Variants in CTNND2 observed in about 807,000 individuals in gnomAD.
The protein encoded by CTNND2 is catenin delta 2, also known as catenin delta-2.
Under a neutral mutation model 144.4 loss-of-function variants are expected in CTNND2, and 22 were observed. The observed-to-expected ratio is 0.15, with a 90% CI of 0.11 to 0.22. CTNND2 has a LOEUF of 0.22. CTNND2 is among the 10% of genes least tolerant of loss of function. The pLI is 1.00. For synonymous variants in CTNND2, 751 were observed against 695.6 expected (o/e 1.08, Z -1.25); for missense variants, 1,353 against 1,618.8 (o/e 0.84, Z 2.82).
chr5:11,390,023 C>T (rs61749829), intron 6 of CTNND2, among the ~76,000 whole-genome samples: 295 of 152,314 alleles, frequency 1.9e-3, no homozygotes, highest in African/African-American at 6.9e-3. Context: ...AATCGCCCCC[C>T]GCCAAAATCT....
chr5:11,562,293 A>T (rs573433445), intron 3 of CTNND2, among the ~76,000 whole-genome samples: 84 of 152,042 alleles, frequency 5.5e-4, no homozygotes, highest in East Asian at 3.5e-3. Context: ...CTCTTTTTTT[A>T]AAAAAAAGTT....
rs372018056 is a variant in CTNND2, at chr5:11,082,736, C to T, written c.2748G>A (p.Leu916=). 1.2e-6 allele frequency: 2 copies of T among 1,614,068 alleles called. No homozygotes were observed. The highest frequency in any genetic ancestry group is 1.7e-5 in the Admixed American group (1 of 60,012). The part of the protein sequence containing the change: ...DRVVCAVATA[L]RNMALDVRNK... ...TTCTGACGTCCAAGGCCATGTTCCG[C>T]AGCGCAGTGGCCACCGCGCACACCA... The change falls in exon 16 of 22, where the codon CTG becomes CTA. Residue 916 remains leucine, a synonymous_variant. Coordinates refer to ENST00000304623, the MANE Select transcript of CTNND2 (RefSeq NM_001332.4).
chr5:11,031,706 C>G (rs1229223127), intron 16 of CTNND2, among the ~76,000 whole-genome samples: 1 of 152,138 alleles, frequency 6.6e-6, no homozygotes, highest in Admixed American at 6.5e-5. Context: ...CGGCTGCCAG[C>G]ATGGCTAGAA....
intron 20 of CTNND2, among the ~76,000 whole-genome samples, chr5:10,987,070 T>G (rs201251738): frequency 2.6e-5 from 4 of 151,906 alleles, no homozygotes; most frequent in Non-Finnish European, 5.9e-5. Flanking sequence ...CTCTTCCTCA[T>G]AGCCTATTTT....
chr5:11,660,453 C>T (rs1292776225), intron 2 of CTNND2, among the ~76,000 whole-genome samples: 4 of 151,900 alleles, frequency 2.6e-5, no homozygotes, highest in Admixed American at 1.3e-4. Context: ...TGGTAAGATG[C>T]CTAATGTTGA....
In CTNND2 at chr5:11,879,352, T is replaced by TATATATATATATATACACATAC. The variant is rs1553988803; in HGVS notation, c.37+24464_37+24465insGTATGTGTATATATATATATAT. ...AAAATTAAATGTGTGTATATATATATATATACATATACACACACACACAAA... is the reference window on the plus strand; with the variant it reads ...AAAATTAAATGTGTGTATATATATATATATATATATATATACACATACATATACATATACACACACACACAAA... On this transcript the variant is annotated intron_variant, in intron 1 of 21. Coordinates refer to ENST00000304623, the MANE Select transcript of CTNND2 (RefSeq NM_001332.4). 8.0e-5 allele frequency among the ~76,000 whole-genome samples: 11 copies of TATATATATATATATACACATAC among 137,254 alleles called. 2 individuals are homozygous for TATATATATATATATACACATAC. The highest frequency in any genetic ancestry group is 2.4e-4 in the African/African-American group (9 of 37,148). The allele number at this position is 137,254 out of a possible 152,430, so 90.0% of individuals were successfully genotyped here.
chr5:11,554,846 T>C (rs902459867), intron 3 of CTNND2, among the ~76,000 whole-genome samples: 4 of 151,718 alleles, frequency 2.6e-5, no homozygotes, highest in African/African-American at 9.7e-5. Flanking sequence ...AATATCAAAA[T>C]GTAATATTAT....
intron 13 of CTNND2, among the ~76,000 whole-genome samples, chr5:11,116,254 G>A (rs918657075): frequency 3.3e-5 from 5 of 152,208 alleles, no homozygotes; most frequent in African/African-American, 1.2e-4. Context: ...TTTGCTCCCT[G>A]CAGGACATGT....
At chr5:11,374,799 T>G (rs1416752892) in intron 7 of CTNND2, among the ~76,000 whole-genome samples, 69 of 125,046 alleles carry the variant, frequency 5.5e-4, no homozygotes, top group African/African-American at 2.3e-3. Flanking sequence ...TTTTTTTTTT[T>G]TTTTTGTTAC....
chr5:11,804,833 G>A (rs1438061063), intron 1 of CTNND2, among the ~76,000 whole-genome samples: 1 of 152,098 alleles, frequency 6.6e-6, no homozygotes, highest in African/African-American at 2.4e-5. Context: ...CTTAATGTAT[G>A]TACATTTTAA....
chr5:11,411,448 A>G, intron 5 of CTNND2, 88 bp downstream of exon 5: 1 of 703,338 alleles, frequency 1.4e-6, no homozygotes, highest in Non-Finnish European at 2.5e-6. Flanking sequence ...CTCATTTGAT[A>G]TGGCTCATAA....
chr5:11,447,859 G>C (rs61755462), intron 3 of CTNND2, among the ~76,000 whole-genome samples: 34 of 152,292 alleles, frequency 2.2e-4, no homozygotes, highest in Admixed American at 4.6e-4. Context: ...AAATTGCTTT[G>C]TGATCACATC....
At chr5:11,784,350 T>G (rs1382269130) in intron 1 of CTNND2, among the ~76,000 whole-genome samples, 1 of 152,236 alleles carries the variant, frequency 6.6e-6, no homozygotes, top group East Asian at 1.9e-4. Flanking sequence ...ATACAGGATC[T>G]GTCACATATT....
At chr5:11,284,381 A>T (rs1414758187) in intron 9 of CTNND2, among the ~76,000 whole-genome samples, 1 of 152,096 alleles carries the variant, frequency 6.6e-6, no homozygotes, top group African/African-American at 2.4e-5. Flanking sequence ...TATTAGGCTC[A>T]ACATGCATTA....
chr5:11,468,577 C>T (rs942428982), intron 3 of CTNND2, among the ~76,000 whole-genome samples: 2 of 152,166 alleles, frequency 1.3e-5, no homozygotes, highest in African/African-American at 4.8e-5. Flanking sequence ...CCTGAAACGT[C>T]CAAAGGGTGC....
chr5:10,994,779 G>A (rs1739163945), intron 18 of CTNND2, among the ~76,000 whole-genome samples: 2 of 152,170 alleles, frequency 1.3e-5, no homozygotes, highest in Non-Finnish European at 2.9e-5. Context: ...GTTTGGGGAG[G>A]AGTAGCCACA....
At chr5:11,401,544 G>C (rs549209765) in intron 5 of CTNND2, among the ~76,000 whole-genome samples, 3 of 152,272 alleles carry the variant, frequency 2.0e-5, no homozygotes. Flanking sequence ...ATACTTATTT[G>C]ACCATAGATG....
At chr5:11,502,355 G>A (rs1314392876) in intron 3 of CTNND2, among the ~76,000 whole-genome samples, 1 of 152,140 alleles carries the variant, frequency 6.6e-6, no homozygotes, top group Non-Finnish European at 1.5e-5. Flanking sequence ...TTCAATTCAA[G>A]GAGTGTAGTG....
intron 18 of CTNND2, among the ~76,000 whole-genome samples, chr5:11,016,212 C>T (rs897141118): frequency 6.6e-6 from 1 of 152,214 alleles, no homozygotes; most frequent in African/African-American, 2.4e-5. Context: ...CCTGTGTATA[C>T]TGAGGGATGA....
Sources: gnomAD v4.1 joint callset for allele counts (sites outside exome capture counted in the v4.1 genomes callset) on GRCh38, gnomAD v4.1.1 for gene constraint, MANE v1.5 for transcripts, NCBI Gene and HGNC (gene_info 2026-07-23, HGNC 2026-07-21) for gene names.